The following CCDC88A variants were observed in gnomAD, a reference collection of about 807,000 sequenced individuals.
CCDC88A encodes coiled-coil and HOOK domain protein 88A, also known as girdin.
CCDC88A carries 54 observed loss-of-function variants against 234.3 expected under a neutral mutation model. The observed-to-expected ratio is 0.23, with a 90% confidence interval of 0.19 to 0.29. The LOEUF is 0.29. Among genes scored for constraint, CCDC88A ranks in the 10% least tolerant of loss-of-function variants. The pLI, the probability that CCDC88A is intolerant of heterozygous loss-of-function variation, is 1.00. For synonymous variants in CCDC88A, 753 were observed against 737.8 expected (o/e 1.02, Z -0.33); for missense variants, 1,832 against 2,123.4 (o/e 0.86, Z 2.70).
intron 25 of CCDC88A, among the ~76,000 whole-genome samples, chr2:55,307,378 A>G (rs1393136194): frequency 1.5e-5 from 2 of 129,550 alleles, no homozygotes; most frequent in Non-Finnish European, 1.5e-5. Context: ...TTTTTTTTTG[A>G]GAGAGAGTTT....
At chr2:55,291,815 G>T in intron 31 of CCDC88A, 40 bp from the exon 32 acceptor site, 1 of 1,475,438 alleles carries the variant, frequency 6.8e-7, no homozygotes, top group Non-Finnish European at 9.5e-7. Context: ...AGTCAAAGAT[G>T]AAACAAAATA....
intron 17 of CCDC88A, among the ~76,000 whole-genome samples, chr2:55,327,218 A>G (rs1171411715): frequency 1.3e-5 from 2 of 152,186 alleles, no homozygotes; most frequent in Admixed American, 6.5e-5. Flanking sequence ...CAAATAGTGG[A>G]AAAAAACTGG....
intron 25 of CCDC88A, among the ~76,000 whole-genome samples, chr2:55,306,472 T>G (rs1356119961): frequency 6.6e-6 from 1 of 152,152 alleles, no homozygotes; most frequent in African/African-American, 2.4e-5. Context: ...TGTGTGTATA[T>G]GTACATATAT....
chr2:55,345,154 C>T (rs1227445522), intron 10 of CCDC88A, among the ~76,000 whole-genome samples: 2 of 152,160 alleles, frequency 1.3e-5, no homozygotes, highest in East Asian at 1.9e-4. Context: ...AATCCCTTAA[C>T]AGTGTCATGC....
chr2:55,297,097 T>C (rs1289990931), intron 29 of CCDC88A: 1 of 25,476 alleles, frequency 3.9e-5, no homozygotes, highest in Non-Finnish European at 1.0e-4. Context: ...GGCAGGAGAA[T>C]TGCTTGATAC....
At chr2:55,418,603 A>C in intron 2 of CCDC88A, 1 of 572,156 alleles carries the variant, frequency 1.7e-6, no homozygotes, top group Non-Finnish European at 3.1e-6. Flanking sequence ...AGAATGAAAA[A>C]CTAAAGTTTC....
chr2:55,393,032 A>C (rs1676901387), intron 2 of CCDC88A, among the ~76,000 whole-genome samples: 1 of 151,916 alleles, frequency 6.6e-6, no homozygotes, highest in Non-Finnish European at 1.5e-5. Flanking sequence ...TCATTTTAGG[A>C]TATTTATAAA....
chr2:55,354,709 G>A (rs1296844582), intron 8 of CCDC88A, among the ~76,000 whole-genome samples: 1 of 150,620 alleles, frequency 6.6e-6, no homozygotes, highest in Non-Finnish European at 1.5e-5. Context: ...GATTACAGGC[G>A]CACCCCACCA....
chr2:55,398,741 C>T (rs1678058606), intron 2 of CCDC88A, among the ~76,000 whole-genome samples: 1 of 151,722 alleles, frequency 6.6e-6, no homozygotes, highest in African/African-American at 2.4e-5. Flanking sequence ...AGTGAAACCT[C>T]ATCTCCACAA....
Position 55,404,167 on chromosome 2 carries a change from T to C in CCDC88A, c.164+14649A>G, listed in dbSNP as rs531291736. On this transcript the variant is annotated intron_variant, in intron 2 of 32. Coordinates refer to ENST00000436346, the MANE Select transcript of CCDC88A (RefSeq NM_001365480.1). ...TATGGGTGACAAGTATCACTTTCTCTTTTGAGATGAAAGCCCTTTAAAATG... is the reference window on the plus strand; with the variant it reads ...TATGGGTGACAAGTATCACTTTCTCCTTTGAGATGAAAGCCCTTTAAAATG... 2.0e-5 allele frequency: 3 copies of C among 152,358 alleles called. No individual in the cohort carries two copies. In the South Asian group the frequency reaches 6.2e-4, roughly 32 times the overall value. 9.4% of individuals were successfully genotyped at this position (152,358 alleles called of 1,614,324 possible). A position where few individuals can be genotyped will look rare whatever the true frequency, so the allele number is the denominator to read the frequency against.
chr2:55,409,323 A>T (rs1337577575), intron 2 of CCDC88A, among the ~76,000 whole-genome samples: 1 of 152,006 alleles, frequency 6.6e-6, no homozygotes, highest in Non-Finnish European at 1.5e-5. Context: ...ACTCCTGTTC[A>T]CTCTGATTTC....
intron 8 of CCDC88A, among the ~76,000 whole-genome samples, chr2:55,352,426 C>CA (rs34722805): frequency 0.45 from 63,879 of 143,034 alleles, 14,536 homozygotes; most frequent in East Asian, 0.85. Context: ...GACTCCATCT[C>CA]AAAAAAAAAA....
chr2:55,374,979 T>C, intron 3 of CCDC88A, 96 bp from the exon 4 acceptor site: 1 of 696,898 alleles, frequency 1.4e-6, no homozygotes. Flanking sequence ...CTTCTGTAGG[T>C]GTGCTATATT....
At chr2:55,322,793 G>A in intron 17 of CCDC88A, 101 bp from the exon 18 acceptor site, 2 of 517,820 alleles carry the variant, frequency 3.9e-6, no homozygotes, top group East Asian at 6.3e-5. Flanking sequence ...GAATACGAAA[G>A]GCAATTTACT....
chr2:55,365,431 A>G (rs1574296892), intron 5 of CCDC88A, among the ~76,000 whole-genome samples: 1 of 152,198 alleles, frequency 6.6e-6, no homozygotes. Flanking sequence ...ACAAAACAGC[A>G]TAATTATTAT....
intron 2 of CCDC88A, among the ~76,000 whole-genome samples, chr2:55,412,865 G>C (rs1018334878): frequency 6.6e-6 from 1 of 152,078 alleles, no homozygotes; most frequent in African/African-American, 2.4e-5. Flanking sequence ...ACTTACTAAA[G>C]ATCATACAGC....
chr2:55,349,784 T>C (rs1669639077), intron 8 of CCDC88A, 185 bp from the exon 9 acceptor site: 3 of 495,832 alleles, frequency 6.1e-6, no homozygotes, highest in Non-Finnish European at 7.0e-6. Context: ...ATGCCATTAA[T>C]AAAACCTCTT....
At position 55,410,296 on chromosome 2, in the gene CCDC88A, A is replaced by G. The variant is rs72799588; in HGVS notation, c.164+8520T>C. Among the ~76,000 whole-genome samples the G allele has an allele frequency of 1.5e-3, 227 of 152,296 alleles. 1 individual carries two copies. Among genetic ancestry groups the G allele is most frequent in the Middle Eastern group, 6.8e-3 (2 of 294 alleles). On this transcript the variant is annotated intron_variant, in intron 2 of 32. Coordinates refer to ENST00000436346, the MANE Select transcript of CCDC88A (RefSeq NM_001365480.1). ...GAGACCTCTTTGTGGTGCTAGAAAGAGCCAGAGATGACGGGAGGAGGTTGG... is the reference window on the plus strand; with the variant it reads ...GAGACCTCTTTGTGGTGCTAGAAAGGGCCAGAGATGACGGGAGGAGGTTGG...
chr2:55,362,168 T>A (rs1213100608), intron 7 of CCDC88A, 140 bp downstream of exon 7: 2 of 580,728 alleles, frequency 3.4e-6, no homozygotes, highest in African/African-American at 2.0e-5. Flanking sequence ...TCCTTTCAGG[T>A]TCCTGTGTTC....
Sources: gnomAD v4.1 joint callset for allele counts (sites outside exome capture counted in the v4.1 genomes callset) on GRCh38, gnomAD v4.1.1 for gene constraint, MANE v1.5 for transcripts, NCBI Gene and HGNC (gene_info 2026-07-23, HGNC 2026-07-21) for gene names.